DMXL1: variants seen among roughly 807,000 people sequenced by gnomAD.
The protein encoded by DMXL1 is dmX-like protein 1.
In DMXL1, 99 loss-of-function variants were observed where a neutral mutation model predicts 319.2. That is an observed-to-expected ratio of 0.31 (90% CI 0.26 to 0.37). The LOEUF is 0.37. DMXL1 is among the 10% of genes least tolerant of loss of function. The pLI is 1.00. For synonymous variants in DMXL1, 1,385 were observed against 1,235.2 expected (o/e 1.12, Z -2.54); for missense variants, 3,745 against 3,595.6 (o/e 1.04, Z -1.06).
In DMXL1 at chr5:119,167,817, G is replaced by A; in HGVS notation, c.5351G>A (p.Ser1784Asn). The change falls in exon 23 of 44, where the codon AGT (serine) becomes AAT (asparagine). Residue 1784 changes from serine (S) to asparagine (N), a missense_variant. Around this residue, in one of 4 missense-constraint regions of DMXL1, gnomAD observed 1,382 missense variants for 1,269.5 expected, o/e 1.09. Coordinates refer to ENST00000539542, the MANE Select transcript of DMXL1 (RefSeq NM_001290321.3). ...SMAYWILEDY[S>N]GALETLIKQP... ...GCATATTGGATTTTGGAAGATTATA[G>A]TGGTGCTCTGGAAACATTAATAAAG... is the stretch of plus-strand genomic sequence containing the variant. 3 of 1,613,516 alleles carry A rather than the reference G, an allele frequency of 1.9e-6. No individual in the cohort carries two copies. The highest frequency in any genetic ancestry group is 2.5e-6 in the Non-Finnish European group (3 of 1,179,716).
In DMXL1 at chr5:119,191,942, G is replaced by A. The variant is rs117116126; in HGVS notation, c.7315-1886G>A. ...GTGTTATATGCATGGGTCAACCATTGTTTGTTTTCTACAATTTTGTTCAAT... is the reference window on the plus strand; with the variant it reads ...GTGTTATATGCATGGGTCAACCATTATTTGTTTTCTACAATTTTGTTCAAT... On this transcript the variant is annotated intron_variant, in intron 29 of 43. Coordinates refer to ENST00000539542, the MANE Select transcript of DMXL1 (RefSeq NM_001290321.3). 3.9e-3 allele frequency among the ~76,000 whole-genome samples: 596 copies of A among 152,268 alleles called. 10 individuals are homozygous for A. Among genetic ancestry groups the A allele is most frequent in the South Asian group, 0.026 (126 of 4,826 alleles).
chr5:119,120,062 G>C lies in DMXL1; in HGVS notation c.934-909G>C, dbSNP rs117357213. 5.3e-4 allele frequency among the ~76,000 whole-genome samples: 81 copies of C among 152,034 alleles called. 2 individuals carry two copies. The East Asian group carries it at 0.012, about 23-fold the overall frequency. On this transcript the variant is annotated intron_variant, in intron 8 of 43. Coordinates refer to ENST00000539542, the MANE Select transcript of DMXL1 (RefSeq NM_001290321.3). Reference sequence around the variant, plus strand: ...CGCCTGGCTAATTTTTGTATTTAAAGTGGAGATGGGGTTTTGCCATGTTGG... The same window carrying C: ...CGCCTGGCTAATTTTTGTATTTAAACTGGAGATGGGGTTTTGCCATGTTGG...
chr5:119,097,442 GCGCAGTGGCTCACGCCTGTAAT>G (rs1346029103), intron 1 of DMXL1, among the ~76,000 whole-genome samples: 2 of 152,176 alleles, frequency 1.3e-5, no homozygotes, highest in African/African-American at 4.8e-5. Context: ...AGTGAGCCGG[GCGCAGTGGCTCACGCCTGTAAT>G]CCCAGCACTT....
In DMXL1 at chr5:119,071,369, G is replaced by T. The variant is rs900959578; in HGVS notation, c.-201G>T. On this transcript the variant is annotated 5_prime_UTR_variant, in exon 1 of 44. Coordinates refer to ENST00000539542, the MANE Select transcript of DMXL1 (RefSeq NM_001290321.3). ...CGGCGCTCCGCCCTCTCGCCGACCC[G>T]CCCCCTCCGGGCCTCGCCCTCCGGG... 4 of 555,720 alleles carry T rather than the reference G, an allele frequency of 7.2e-6. No homozygotes were observed. The highest frequency in any genetic ancestry group is 2.1e-5 in the South Asian group (1 of 47,008). 34.4% of individuals were successfully genotyped at this position (555,720 alleles called of 1,614,324 possible).
chr5:119,120,822 T>C, intron 8 of DMXL1, 149 bp from the exon 9 acceptor site: 2 of 516,508 alleles, frequency 3.9e-6, no homozygotes, highest in Non-Finnish European at 3.1e-6. Context: ...AAGGTGTTTT[T>C]ACATATAAAA....
At chr5:119,084,228 C>T (rs1752838722) in intron 1 of DMXL1, among the ~76,000 whole-genome samples, 1 of 151,958 alleles carries the variant, frequency 6.6e-6, no homozygotes, top group Non-Finnish European at 1.5e-5. Context: ...TGAAGCAATT[C>T]TCCTGCCTCA....
intron 2 of DMXL1, chr5:119,100,695 C>G (rs1757050041): frequency 6.6e-6 from 1 of 151,208 alleles, no homozygotes; most frequent in Non-Finnish European, 1.5e-5. Flanking sequence ...TTATAAGGAG[C>G]ACTCTCTTCT....
At chr5:119,190,024 C>T in intron 29 of DMXL1, 138 bp downstream of exon 29, 1 of 699,658 alleles carries the variant, frequency 1.4e-6, no homozygotes, top group Non-Finnish European at 2.3e-6. Flanking sequence ...AGGCTACATT[C>T]CAAAAATATA....
chr5:119,211,229 A>C (rs1782752735), intron 34 of DMXL1, among the ~76,000 whole-genome samples: 1 of 152,064 alleles, frequency 6.6e-6, no homozygotes, highest in African/African-American at 2.4e-5. Context: ...GTTTTCTTAC[A>C]ATGTTGTTTG....
chr5:119,235,171 A>C (rs1296300100), intron 39 of DMXL1, among the ~76,000 whole-genome samples: 1 of 152,174 alleles, frequency 6.6e-6, no homozygotes, highest in African/African-American at 2.4e-5. Flanking sequence ...TCAATTATGA[A>C]TAGAAATACA....
Position 119,239,041 on chromosome 5 carries a change from C to T in DMXL1, c.8612C>T (p.Ser2871Phe). 6.2e-7 allele frequency: 1 copy of T among 1,613,842 alleles called. No homozygotes were observed. The highest frequency in any genetic ancestry group is 8.5e-7 in the Non-Finnish European group (1 of 1,179,916). Residue 2871 changes from serine to phenylalanine, a missense_variant, in exon 41 of 44, where the codon TCC becomes TTC. Ser to Phe is a radical substitution (Grantham distance 155, BLOSUM62 -2). Coordinates refer to ENST00000539542, the MANE Select transcript of DMXL1 (RefSeq NM_001290321.3). Reference sequence around the variant, plus strand: ...AATGATTTTGTCTTCGTTAGTTCCTCCTCTCTGATAGCTACAGCTGGTCTT... The same window carrying T: ...AATGATTTTGTCTTCGTTAGTTCCTTCTCTCTGATAGCTACAGCTGGTCTT... The part of the protein sequence containing the change: ...TANDFVFVSS[S>F]SLIATAGLST...
At chr5:119,189,583 C>T in intron 28 of DMXL1, 125 bp from the exon 29 acceptor site, 1 of 859,370 alleles carries the variant, frequency 1.2e-6, no homozygotes, top group Non-Finnish European at 1.8e-6. Context: ...TGTGTACTTT[C>T]ATAATCTCAA....
At chr5:119,244,100 TG>T (rs1407271271) in intron 42 of DMXL1, among the ~76,000 whole-genome samples, 2 of 152,226 alleles carry the variant, frequency 1.3e-5, no homozygotes, top group Non-Finnish European at 2.9e-5. Context: ...GTTCCTCTCC[TG>T]GTGCCATGGT....
intron 32 of DMXL1, 44 bp downstream of exon 32, chr5:119,198,000 G>A (rs780001508): frequency 1.3e-6 from 2 of 1,587,356 alleles, no homozygotes; most frequent in South Asian, 1.1e-5. Flanking sequence ...TTGTTTGTTT[G>A]TTTTTTGAGA....
At chr5:119,141,623 A>C (rs1335194841) in intron 13 of DMXL1, among the ~76,000 whole-genome samples, 2 of 152,156 alleles carry the variant, frequency 1.3e-5, no homozygotes, top group East Asian at 3.8e-4. Flanking sequence ...ACATGGGAAA[A>C]ACATCCTATG....
At chr5:119,164,440 T>C (rs1772987510) in intron 19 of DMXL1, 67 bp from the exon 20 acceptor site, 2 of 1,379,898 alleles carry the variant, frequency 1.4e-6, no homozygotes. Context: ...ATATGGAACA[T>C]ACATTTCTGA....
intron 28 of DMXL1, among the ~76,000 whole-genome samples, chr5:119,187,862 C>G (rs1033756051): frequency 6.6e-6 from 1 of 152,134 alleles, no homozygotes; most frequent in African/African-American, 2.4e-5. Flanking sequence ...AGGGTTTCAC[C>G]ATGTTGGCCA....
At chr5:119,116,043 G>A (rs993684741) in intron 6 of DMXL1, 115 bp from the exon 7 acceptor site, 18 of 910,598 alleles carry the variant, frequency 2.0e-5, no homozygotes, top group South Asian at 3.7e-5. Context: ...TGTGCTCAAC[G>A]TCTCTTCCCA....
chr5:119,161,517 G>A (rs1018161331), intron 19 of DMXL1, among the ~76,000 whole-genome samples: 2 of 152,228 alleles, frequency 1.3e-5, no homozygotes, highest in African/African-American at 4.8e-5. Flanking sequence ...ACGGAACCTT[G>A]GTGTGAGGTC....
Sources: allele counts gnomAD v4.1 joint callset (sites outside exome capture counted in the v4.1 genomes callset), GRCh38; gene constraint gnomAD v4.1.1; regional missense constraint gnomAD v4.1.1; transcripts MANE v1.5; gene names NCBI Gene and HGNC (gene_info 2026-07-23, HGNC 2026-07-21).